The following DNMT1 variants were observed in gnomAD, a reference collection of about 807,000 sequenced individuals.
DNMT1 encodes DNA methyltransferase 1.
DNMT1 carries 24 observed loss-of-function variants against 205.3 expected under a neutral mutation model. The observed-to-expected ratio is 0.12, with a 90% confidence interval of 0.08 to 0.16. DNMT1 has a LOEUF of 0.16. Ranked by LOEUF, DNMT1 falls within the 10% of genes least tolerant of loss-of-function variation. DNMT1 has a pLI of 1.00. For missense variants in DNMT1, 1,293 were observed against 2,177.7 expected (o/e 0.59, Z 8.09); for synonymous variants, 817 against 839.8 (o/e 0.97, Z 0.47).
chr19:10,159,596 C>T lies in DNMT1; in HGVS notation c.1280+62G>A. ...AAACATCACCAGAATCGTGAGCCCGCAGGCACCTCTGGGGATGTGCCTCCT... is the reference window on the plus strand; with the variant it reads ...AAACATCACCAGAATCGTGAGCCCGTAGGCACCTCTGGGGATGTGCCTCCT... On this transcript the variant is annotated intron_variant, in intron 17 of 40. Transcript: ENST00000359526. The surrounding 1 kb of genome is among the most constrained non-coding windows in gnomAD (Gnocchi z 5.0). 2 of 1,519,194 alleles carry T rather than the reference C, an allele frequency of 1.3e-6. No homozygotes were observed. Among genetic ancestry groups the T allele is most frequent in the Non-Finnish European group, 1.8e-6 (2 of 1,095,406 alleles). The allele number at this position is 1,519,194 out of a possible 1,614,324, so 94.1% of individuals were successfully genotyped here.
intron 28 of DNMT1, 152 bp from the exon 29 acceptor site, chr19:10,144,139 G>A: frequency 1.2e-6 from 1 of 830,286 alleles, no homozygotes. Context: ...GCTGGGCATT[G>A]TGGCTCACGC....
At chr19:10,182,485 ATG>A (rs2039082740) in intron 1 of DNMT1, among the ~76,000 whole-genome samples, 3 of 126,256 alleles carry the variant, frequency 2.4e-5, no homozygotes, top group Admixed American at 8.5e-5. Context: ...ATACATATAT[ATG>A]TGTATATATA....
At position 10,142,043 on chromosome 19, in the gene DNMT1, G is replaced by A. The variant is rs775786809; in HGVS notation, c.3294C>T (p.Arg1098=). The A allele has an allele frequency of 7.4e-6, 12 of 1,612,382 alleles. No individual in the cohort carries two copies. The highest frequency in any genetic ancestry group is 1.0e-5 in the Non-Finnish European group (12 of 1,178,768). The change falls in exon 30 of 41, where the codon CGC becomes CGT. Residue 1098 remains arginine, a synonymous_variant. Coordinates refer to ENST00000359526, the MANE Select transcript of DNMT1 (RefSeq NM_001130823.3). The part of the protein sequence containing the change: ...VQVYSMGGPN[R]FYFLEAYNAK... ...GGGGCACCACCTCGAGGAAGTAGAA[G>A]CGGTTGGGGCCGCCCATGGAGTACA... is the stretch of plus-strand genomic sequence containing the variant.
At chr19:10,180,987 G>T in intron 2 of DNMT1, 102 bp from the exon 3 acceptor site, 1 of 915,390 alleles carries the variant, frequency 1.1e-6, no homozygotes, top group Non-Finnish European at 1.8e-6. Flanking sequence ...CACAATGAGT[G>T]AATGGCAGGC....
chr19:10,135,139 G>T (rs540258425), intron 39 of DNMT1, among the ~76,000 whole-genome samples: 1 of 151,774 alleles, frequency 6.6e-6, no homozygotes, highest in East Asian at 1.9e-4. Context: ...TTAAAACCAG[G>T]GGGGTGGAAG....
intron 9 of DNMT1, among the ~76,000 whole-genome samples, chr19:10,169,824 G>A (rs2038776030): frequency 6.6e-6 from 1 of 152,192 alleles, no homozygotes; most frequent in Non-Finnish European, 1.5e-5. Context: ...AATCCTGAGA[G>A]TATGCTTACA....
chr19:10,134,881 ATGGGCCACC>A (rs1432979030), intron 39 of DNMT1, among the ~76,000 whole-genome samples: 1 of 148,420 alleles, frequency 6.7e-6, no homozygotes, highest in Non-Finnish European at 1.5e-5. Context: ...AAAAAGACAA[ATGGGCCACC>A]TAGACACGTT....
chr19:10,141,538 G>T, intron 30 of DNMT1: 1 of 373,784 alleles, frequency 2.7e-6, no homozygotes, highest in Middle Eastern at 8.9e-4. Context: ...AACACGGAAA[G>T]GCCAAGCCCC....
At chr19:10,145,600 C>T (rs1282474554) in intron 28 of DNMT1, among the ~76,000 whole-genome samples, 1 of 152,244 alleles carries the variant, frequency 6.6e-6, no homozygotes, top group Non-Finnish European at 1.5e-5. Context: ...GAGAAGTCAT[C>T]TGATGTGATT....
chr19:10,143,643 G>GCA (rs1370869158), intron 29 of DNMT1, 123 bp downstream of exon 29: 9 of 1,118,890 alleles, frequency 8.0e-6, no homozygotes, highest in Non-Finnish European at 1.2e-5. Context: ...AGAAACACTT[G>GCA]GAAAAACAGC....
In DNMT1 at chr19:10,175,114, CACACACACACACACAT is replaced by C. The variant is rs1236389012; in HGVS notation, c.648+410_648+425del. 5.7e-4 allele frequency among the ~76,000 whole-genome samples: 80 copies of C among 139,966 alleles called. 1 individual carries two copies. In the South Asian group the frequency reaches 8.4e-3, roughly 15 times the overall value. The allele number at this position is 139,966 out of a possible 152,430, so 91.8% of individuals were successfully genotyped here. A position where few individuals can be genotyped will look rare whatever the true frequency, so the allele number is the denominator to read the frequency against. On this transcript the variant is annotated intron_variant, in intron 7 of 40. Transcript: ENST00000359526. ...ACACACACACACACACACACACACA[CACACACACACACACAT>C]ATATATAACATGTATGTATGTAAGA... is the stretch of plus-strand genomic sequence containing the variant.
chr19:10,187,706 C>CA (rs2039219361), intron 1 of DNMT1, among the ~76,000 whole-genome samples: 1 of 149,454 alleles, frequency 6.7e-6, no homozygotes, highest in African/African-American at 2.5e-5. Context: ...CCTGTCTCTA[C>CA]AAAAAATAGT....
chr19:10,183,955 GAGGA>G (rs2039129287), intron 1 of DNMT1, among the ~76,000 whole-genome samples: 1 of 152,218 alleles, frequency 6.6e-6, no homozygotes, highest in Admixed American at 6.6e-5. Context: ...TTGGGAGGCT[GAGGA>G]AGGAAGATCA....
intron 40 of DNMT1, 45 bp downstream of exon 40, chr19:10,134,172 G>C (rs746659912): frequency 2.7e-5 from 43 of 1,608,316 alleles, no homozygotes; most frequent in Non-Finnish European, 3.7e-5. Context: ...TGTACCCCCA[G>C]AGGGCAGTCA....
intron 1 of DNMT1, among the ~76,000 whole-genome samples, chr19:10,184,843 T>G (rs1449140920): frequency 6.6e-6 from 1 of 152,176 alleles, no homozygotes; most frequent in African/African-American, 2.4e-5. Context: ...CCTTTCCACC[T>G]AGCACCCGCA....
At chr19:10,163,016 G>A in intron 12 of DNMT1, 2 of 547,314 alleles carry the variant, frequency 3.7e-6, no homozygotes, top group Non-Finnish European at 6.4e-6. Flanking sequence ...CCAGGCTGGA[G>A]TGCAGTGGCG....
At chr19:10,163,277 T>C (rs1025082688) in intron 12 of DNMT1, 49 bp downstream of exon 12, 10 of 1,608,850 alleles carry the variant, frequency 6.2e-6, no homozygotes, top group Non-Finnish European at 8.5e-6. Context: ...TAGAACAGGC[T>C]TTCTACTGAT....
At chr19:10,187,846 T>C (rs912943529) in intron 1 of DNMT1, among the ~76,000 whole-genome samples, 4 of 150,224 alleles carry the variant, frequency 2.7e-5, no homozygotes, top group Non-Finnish European at 5.9e-5. Flanking sequence ...CTACAAAAAA[T>C]AGTAATTAGT....
At chr19:10,186,398 C>T (rs1179225937) in intron 1 of DNMT1, among the ~76,000 whole-genome samples, 3 of 152,088 alleles carry the variant, frequency 2.0e-5, no homozygotes, top group Admixed American at 2.0e-4. Flanking sequence ...ACCGATCACA[C>T]CTGCTGAAGC....
Sources: allele counts gnomAD v4.1 joint callset (sites outside exome capture counted in the v4.1 genomes callset), GRCh38; gene constraint gnomAD v4.1.1; non-coding constraint Gnocchi (gnomAD v3.1); transcripts MANE v1.5; gene names NCBI Gene and HGNC (gene_info 2026-07-23, HGNC 2026-07-21).